Variants in TEKT5 observed in about 807,000 individuals in gnomAD.
TEKT5 encodes tektin-5.
In TEKT5, 52 loss-of-function variants were observed where a neutral mutation model predicts 48.7. That is an observed-to-expected ratio of 1.07 (90% CI 0.86 to 1.35). The LOEUF (loss-of-function observed/expected upper bound fraction) is 1.35. Among genes scored for constraint, TEKT5 ranks in the 40% most tolerant of loss-of-function variants. The pLI, the probability that TEKT5 is intolerant of heterozygous loss-of-function variation, is 0.00. For synonymous variants in TEKT5, 318 were observed against 267.6 expected (o/e 1.19, Z -1.84); for missense variants, 831 against 641.6 (o/e 1.30, Z -3.19).
At chr16:10,662,206 G>A (rs537481383) in intron 5 of TEKT5, among the ~76,000 whole-genome samples, 4 of 152,244 alleles carry the variant, frequency 2.6e-5, no homozygotes, top group Admixed American at 2.0e-4. Context: ...TCAGTAGCAC[G>A]CACCCCCATT....
chr16:10,689,346 G>C (rs759956566), intron 2 of TEKT5, 23 bp from the exon 3 acceptor site: 33 of 1,598,992 alleles, frequency 2.1e-5, no homozygotes, highest in Admixed American at 5.0e-5. Flanking sequence ...ATGTCAGAAA[G>C]AGCAGTGCCT....
At chr16:10,675,902 C>G in intron 5 of TEKT5, 57 bp downstream of exon 5, 3 of 1,563,410 alleles carry the variant, frequency 1.9e-6, no homozygotes, top group Non-Finnish European at 2.6e-6. Context: ...CTCAGATTCA[C>G]GGGAGAAGGG....
intron 5 of TEKT5, among the ~76,000 whole-genome samples, chr16:10,655,466 G>C (rs910249206): frequency 1.3e-5 from 2 of 152,094 alleles, no homozygotes; most frequent in Admixed American, 6.6e-5. Context: ...TAGGATTATT[G>C]TGAGGGTTAT....
intron 1 of TEKT5, among the ~76,000 whole-genome samples, chr16:10,691,677 G>C (rs954985331): frequency 6.6e-6 from 1 of 152,094 alleles, no homozygotes; most frequent in African/African-American, 2.4e-5. Context: ...GACCAGACAC[G>C]GTGGCTCACG....
chr16:10,633,637 G>C (rs1897871186), intron 6 of TEKT5, among the ~76,000 whole-genome samples: 1 of 152,106 alleles, frequency 6.6e-6, no homozygotes, highest in Non-Finnish European at 1.5e-5. Context: ...CCAACTCCTG[G>C]GCTTAAGCAA....
intron 5 of TEKT5, among the ~76,000 whole-genome samples, chr16:10,643,734 C>A (rs948640526): frequency 6.6e-6 from 1 of 152,122 alleles, no homozygotes; most frequent in Non-Finnish European, 1.5e-5. Context: ...TTACATAAAA[C>A]ATATTATTAA....
At chr16:10,680,652 A>G (rs1161860714) in intron 4 of TEKT5, among the ~76,000 whole-genome samples, 1 of 151,936 alleles carries the variant, frequency 6.6e-6, no homozygotes, top group Non-Finnish European at 1.5e-5. Flanking sequence ...AATGTGGCAC[A>G]TATACACCAT....
At chr16:10,686,490 G>A (rs867271635) in intron 3 of TEKT5, among the ~76,000 whole-genome samples, 1 of 151,696 alleles carries the variant, frequency 6.6e-6, no homozygotes, top group Admixed American at 6.6e-5. Flanking sequence ...AGACTAAAAT[G>A]TAACACCTGA....
At chr16:10,682,820 G>C (rs1898781646) in intron 3 of TEKT5, among the ~76,000 whole-genome samples, 1 of 152,222 alleles carries the variant, frequency 6.6e-6, no homozygotes, top group Non-Finnish European at 1.5e-5. Context: ...TGGCGGGCCA[G>C]ATTTGTCCCT....
intron 5 of TEKT5, among the ~76,000 whole-genome samples, chr16:10,658,724 CT>C (rs1555466067): frequency 8.8e-5 from 13 of 147,334 alleles, no homozygotes; most frequent in South Asian, 6.5e-4. Context: ...ATTTCTTTTT[CT>C]TTTTTTTTTT....
At chr16:10,657,130 TTTTC>T (rs760857130) in intron 5 of TEKT5, among the ~76,000 whole-genome samples, 5,812 of 149,484 alleles carry the variant, frequency 0.039, 322 homozygotes, top group African/African-American at 0.12. Context: ...TTTTTTTTTT[TTTTC>T]TTTTTTTTGA....
chr16:10,650,260 C>A (rs28463414), intron 5 of TEKT5, among the ~76,000 whole-genome samples: 39,165 of 151,212 alleles, frequency 0.26, 5,488 homozygotes, highest in Middle Eastern at 0.39. Flanking sequence ...GCGACAAGGC[C>A]CGGCTGATTT....
At chr16:10,689,866 T>C in intron 2 of TEKT5, 76 bp downstream of exon 2, 1 of 1,415,132 alleles carries the variant, frequency 7.1e-7, no homozygotes, top group East Asian at 2.3e-5. Context: ...TCCTGACAGG[T>C]AGCTCAGTAA....
intron 4 of TEKT5, among the ~76,000 whole-genome samples, chr16:10,681,289 T>C (rs1212664799): frequency 6.6e-6 from 1 of 152,050 alleles, no homozygotes; most frequent in Non-Finnish European, 1.5e-5. Flanking sequence ...GATTCAGAAA[T>C]GGCCCAAAGA....
chr16:10,634,427 C>T (rs1596399788), intron 6 of TEKT5, among the ~76,000 whole-genome samples: 1 of 152,114 alleles, frequency 6.6e-6, no homozygotes, highest in South Asian at 2.1e-4. Context: ...GAGCACAGCC[C>T]TGGGCACAGT....
At chr16:10,639,738 C>G (rs1054190297) in intron 5 of TEKT5, among the ~76,000 whole-genome samples, 2 of 152,220 alleles carry the variant, frequency 1.3e-5, no homozygotes, top group African/African-American at 4.8e-5. Context: ...CTGGCATAAG[C>G]AAAGGTTTGT....
chr16:10,632,259 G>A (rs946120266), intron 6 of TEKT5, among the ~76,000 whole-genome samples: 23 of 152,126 alleles, frequency 1.5e-4, no homozygotes, highest in Non-Finnish European at 3.2e-4. Context: ...TGTGAATAAG[G>A]AATTGAATTT....
chr16:10,673,445 C>A (rs1472342017), intron 5 of TEKT5, among the ~76,000 whole-genome samples: 1 of 152,068 alleles, frequency 6.6e-6, no homozygotes, highest in Non-Finnish European at 1.5e-5. Context: ...GTTTGCCAAC[C>A]CTGTCCTAGA....
intron 5 of TEKT5, among the ~76,000 whole-genome samples, chr16:10,654,378 C>G (rs774294589): frequency 6.6e-6 from 1 of 152,192 alleles, no homozygotes; most frequent in Non-Finnish European, 1.5e-5. Context: ...GTCAATTTGA[C>G]TGGCTTGACT....
Sources: gnomAD v4.1 joint callset for allele counts (sites outside exome capture counted in the v4.1 genomes callset) on GRCh38, gnomAD v4.1.1 for gene constraint, MANE v1.5 for transcripts, NCBI Gene and HGNC (gene_info 2026-07-23, HGNC 2026-07-21) for gene names.